Variants in XPO4 observed in about 807,000 individuals in gnomAD.
The protein encoded by XPO4 is exportin 4, also known as exportin-4.
Under a neutral mutation model 143.0 loss-of-function variants are expected in XPO4, and 39 were observed. The ratio of observed to expected loss-of-function variants is 0.27; its 90% CI spans 0.21 to 0.36. The LOEUF is 0.36. XPO4 is among the 10% of genes least tolerant of loss of function. The pLI is 1.00. For missense variants in XPO4, 907 were observed against 1,348.0 expected, an observed-to-expected ratio of 0.67 and a Z score of 5.12; for synonymous variants, 439 against 474.0, an observed-to-expected ratio of 0.93 and a Z score of 0.96.
At chr13:20,854,226 G>T (rs749110399) in intron 4 of XPO4, among the ~76,000 whole-genome samples, 4 of 152,156 alleles carry the variant, frequency 2.6e-5, no homozygotes, top group Non-Finnish European at 5.9e-5. Context: ...GATTCCGTGG[G>T]TCTAGACTCC....
chr13:20,826,102 T>A (rs1192530610), intron 7 of XPO4, among the ~76,000 whole-genome samples: 1 of 152,244 alleles, frequency 6.6e-6, no homozygotes, highest in East Asian at 1.9e-4. Context: ...TTATATCTAA[T>A]TAACTTGTAT....
chr13:20,866,534 C>T (rs2060247000), intron 2 of XPO4: 4 of 328,852 alleles, frequency 1.2e-5, no homozygotes, highest in Non-Finnish European at 1.7e-5. Context: ...GGAATTTACC[C>T]TTCTGTGCTG....
intron 2 of XPO4, among the ~76,000 whole-genome samples, chr13:20,864,322 T>C (rs544418926): frequency 7.0e-4 from 106 of 152,312 alleles, no homozygotes; most frequent in Non-Finnish European, 1.2e-3. Context: ...TCTCTCATTA[T>C]AAACCTCTTC....
intron 9 of XPO4, among the ~76,000 whole-genome samples, chr13:20,814,762 C>T (rs1043904349): frequency 2.0e-5 from 3 of 152,308 alleles, no homozygotes; most frequent in South Asian, 2.1e-4. Flanking sequence ...TTAGAGCTTA[C>T]GAGACTACTT....
chr13:20,798,941 A>T (rs1381418872), intron 16 of XPO4, among the ~76,000 whole-genome samples: 1 of 151,914 alleles, frequency 6.6e-6, no homozygotes, highest in Non-Finnish European at 1.5e-5. Flanking sequence ...GAATCGCTTG[A>T]ACCTGGGAGG....
rs148460865 is a variant in XPO4 at position 20,874,441 on chromosome 13, G to C, written c.70-5740C>G. On this transcript the variant is annotated intron_variant, in intron 1 of 22. Coordinates refer to ENST00000255305, the MANE Select transcript of XPO4 (RefSeq NM_022459.5). Reference sequence around the variant, plus strand: ...CCCATGTTAAAATTTAATTGCCATTGTAACAGTATTGGGAGATGGGGCCAC... The same window carrying C: ...CCCATGTTAAAATTTAATTGCCATTCTAACAGTATTGGGAGATGGGGCCAC... Among the ~76,000 whole-genome samples the C allele has an allele frequency of 2.0e-4, 31 of 152,320 alleles. No homozygotes were observed. In the East Asian group the frequency reaches 6.0e-3, roughly 29 times the overall value.
At position 20,787,032 on chromosome 13, in the gene XPO4, T is replaced by C; in HGVS notation, c.3191A>G (p.Gln1064Arg). 6.4e-7 allele frequency: 1 copy of C among 1,566,250 alleles called. No homozygotes were observed. The highest frequency in any genetic ancestry group is 8.7e-7 in the Non-Finnish European group (1 of 1,152,722). ...AGTGGTCATCTCTGTGTTGTGCTTT[T>C]GCAAAACCAGCATATCAAAAACCAG... Reference protein sequence around the residue: ...LKLVFDMLVLQKHNTEMTTAA... With the variant: ...LKLVFDMLVLRKHNTEMTTAA... The change falls in exon 22 of 23, where the codon CAA (glutamine) becomes CGA (arginine). Residue 1064 changes from glutamine (Q) to arginine (R), a missense_variant. Physicochemically the swap from Gln to Arg is conservative, Grantham distance 43. Coordinates refer to ENST00000255305, the MANE Select transcript of XPO4 (RefSeq NM_022459.5).
chr13:20,830,529 C>T (rs1460464986), intron 6 of XPO4, among the ~76,000 whole-genome samples: 1 of 152,048 alleles, frequency 6.6e-6, no homozygotes, highest in Non-Finnish European at 1.5e-5. Flanking sequence ...AATAAAAATG[C>T]ACATGTACTA....
Position 20,808,508 on chromosome 13 carries a change from C to T in XPO4, c.1567G>A (p.Gly523Ser). The change falls in exon 12 of 23, where the codon GGT becomes AGT. Residue 523 changes from glycine (G) to serine (S), a missense_variant. By Grantham distance (56) the Gly-to-Ser change is moderately conservative. Transcript: ENST00000255305. Reference sequence around the variant, plus strand: ...ATTTTGTTGTCAACAGTGCTTGAACCCGGTGAAGCAAGTAACTGTTGCTGA... The same window carrying T: ...ATTTTGTTGTCAACAGTGCTTGAACTCGGTGAAGCAAGTAACTGTTGCTGA... Reference protein sequence around the residue: ...RHQQQLLASPGSSTVDNKMLD... With the variant: ...RHQQQLLASPSSSTVDNKMLD... 6.4e-7 allele frequency: 1 copy of T among 1,573,148 alleles called. No homozygotes were observed. The highest frequency in any genetic ancestry group is 8.7e-7 in the Non-Finnish European group (1 of 1,150,372).
chr13:20,895,646 A>T (rs1247974884), intron 1 of XPO4, among the ~76,000 whole-genome samples: 1 of 151,602 alleles, frequency 6.6e-6, no homozygotes, highest in East Asian at 1.9e-4. Context: ...AAAAAAAAAG[A>T]AGTTTAGTAT....
At chr13:20,841,927 G>A (rs1289849316) in intron 6 of XPO4, among the ~76,000 whole-genome samples, 1 of 151,532 alleles carries the variant, frequency 6.6e-6, no homozygotes, top group Non-Finnish European at 1.5e-5. Flanking sequence ...ATCTAGAACA[G>A]GTCGCATTAA....
chr13:20,811,320 C>T (rs1439260174), intron 9 of XPO4, among the ~76,000 whole-genome samples: 3 of 148,104 alleles, frequency 2.0e-5, no homozygotes, highest in Admixed American at 2.0e-4. Context: ...TGGAGTCTCG[C>T]TCTGTTACCC....
intron 4 of XPO4, chr13:20,848,509 GGTAAA>G (rs2060050192): frequency 1.0e-6 from 1 of 985,172 alleles, no homozygotes; most frequent in Admixed American, 6.2e-5. Flanking sequence ...GTTACAAGAA[GGTAAA>G]GTAGCAGCTG....
At chr13:20,852,934 T>C in intron 4 of XPO4, 1 of 985,448 alleles carries the variant, frequency 1.0e-6, no homozygotes, top group Non-Finnish European at 1.2e-6. Flanking sequence ...GCTGACTTCA[T>C]GGAAAATGCT....
rs901067749 is a variant in XPO4 at position 20,777,989 on chromosome 13, T to C, written c.*5733A>G. On this transcript the variant is annotated 3_prime_UTR_variant, in exon 23 of 23. Coordinates refer to ENST00000255305, the MANE Select transcript of XPO4 (RefSeq NM_022459.5). ...AACTGAACTGCCATTTGAGATTACATAGAATGCACAAGACTCAATCTGAGA... is the reference window on the plus strand; with the variant it reads ...AACTGAACTGCCATTTGAGATTACACAGAATGCACAAGACTCAATCTGAGA... The C allele has an allele frequency of 2.6e-5, 4 of 152,144 alleles. No individual in the cohort carries two copies. Among genetic ancestry groups the C allele is most frequent in the African/African-American group, 9.7e-5 (4 of 41,428 alleles). 9.4% of individuals were successfully genotyped at this position (152,144 alleles called of 1,614,324 possible). A position where few individuals can be genotyped will look rare whatever the true frequency, so the allele number is the denominator to read the frequency against.
chr13:20,830,026 A>G (rs1482363633), intron 6 of XPO4, among the ~76,000 whole-genome samples: 1 of 152,214 alleles, frequency 6.6e-6, no homozygotes, highest in African/African-American at 2.4e-5. Context: ...TTTCCCAGAT[A>G]TAAAATGGAA....
At chr13:20,866,225 T>A (rs978766080) in intron 2 of XPO4, 1 of 984,760 alleles carries the variant, frequency 1.0e-6, no homozygotes, top group African/African-American at 1.8e-5. Context: ...GCATGCCACA[T>A]GCATGCACAG....
At chr13:20,821,995 T>A in intron 8 of XPO4, 117 bp from the exon 9 acceptor site, 1 of 1,368,358 alleles carries the variant, frequency 7.3e-7, no homozygotes, top group Non-Finnish European at 9.8e-7. Flanking sequence ...TATGTCTCTG[T>A]TTATTAATTT....
intron 3 of XPO4, among the ~76,000 whole-genome samples, chr13:20,860,924 ATT>A (rs68131843): frequency 3.4e-5 from 5 of 147,118 alleles, no homozygotes; most frequent in Admixed American, 1.4e-4. Flanking sequence ...TCTCTCCTGT[ATT>A]TTTTTTTTTT....
Sources: gnomAD v4.1 joint callset for allele counts (sites outside exome capture counted in the v4.1 genomes callset) on GRCh38, gnomAD v4.1.1 for gene constraint, MANE v1.5 for transcripts, NCBI Gene and HGNC (gene_info 2026-07-23, HGNC 2026-07-21) for gene names.